The following ALK variants were observed in gnomAD, a reference collection of about 807,000 sequenced individuals.
ALK encodes ALK tyrosine kinase receptor.
A neutral mutation model predicts 163.1 loss-of-function variants in ALK; 74 were observed. The observed-to-expected ratio is 0.45, with a 90% CI of 0.38 to 0.55. The LOEUF is 0.55. Among genes scored for constraint, ALK ranks in the 20% least tolerant of loss-of-function variants. The pLI, the probability that ALK is intolerant of heterozygous loss-of-function variation, is 0.00. For synonymous variants in ALK, 960 were observed against 843.2 expected, an observed-to-expected ratio of 1.14 and a Z score of -2.40; for missense variants, 2,063 against 2,105.3, an observed-to-expected ratio of 0.98 and a Z score of 0.39.
At chr2:29,882,667 C>G (rs1488068895) in intron 1 of ALK, among the ~76,000 whole-genome samples, 2 of 152,196 alleles carry the variant, frequency 1.3e-5, no homozygotes, top group Non-Finnish European at 2.9e-5. Context: ...GCACTCCAGC[C>G]TGGCGACAGA....
At chr2:29,356,005 C>T (rs1253051668) in intron 5 of ALK, among the ~76,000 whole-genome samples, 1 of 152,154 alleles carries the variant, frequency 6.6e-6, no homozygotes, top group Non-Finnish European at 1.5e-5. Flanking sequence ...AATATTTACA[C>T]TACAGAAATT....
At chr2:29,574,865 G>A (rs1429940985) in intron 3 of ALK, among the ~76,000 whole-genome samples, 1 of 152,202 alleles carries the variant, frequency 6.6e-6, no homozygotes, top group Non-Finnish European at 1.5e-5. Context: ...TTCCAAAAAG[G>A]ATGAAGGTGA....
intron 1 of ALK, among the ~76,000 whole-genome samples, chr2:29,916,303 T>A (rs1182234308): frequency 2.0e-5 from 3 of 152,316 alleles, no homozygotes; most frequent in East Asian, 3.9e-4. Flanking sequence ...AAATAACTCC[T>A]CTCCTTCACT....
At chr2:29,446,209 T>A (rs1477171838) in intron 4 of ALK, among the ~76,000 whole-genome samples, 1 of 125,968 alleles carries the variant, frequency 7.9e-6, no homozygotes, top group East Asian at 2.4e-4. Context: ...AACCAGCAAA[T>A]AGGGACATTT....
At chr2:29,800,672 T>C (rs1572389491) in intron 1 of ALK, among the ~76,000 whole-genome samples, 1 of 152,176 alleles carries the variant, frequency 6.6e-6, no homozygotes, top group Admixed American at 6.5e-5. Context: ...TCAGGTTTCC[T>C]ACACCTCAGA....
chr2:29,713,096 T>C (rs1679155059), intron 2 of ALK, among the ~76,000 whole-genome samples: 1 of 152,206 alleles, frequency 6.6e-6, no homozygotes, highest in Non-Finnish European at 1.5e-5. Context: ...TAGCTCCCAA[T>C]GCTGCCCGCA....
intron 1 of ALK, among the ~76,000 whole-genome samples, chr2:29,745,487 T>C (rs1047792931): frequency 3.3e-5 from 5 of 152,226 alleles, no homozygotes; most frequent in African/African-American, 1.2e-4. Flanking sequence ...TGGCAAGGTC[T>C]ACTTCTTGTA....
chr2:29,636,097 G>T (rs185101975), intron 3 of ALK, among the ~76,000 whole-genome samples: 1 of 152,290 alleles, frequency 6.6e-6, no homozygotes, highest in East Asian at 1.9e-4. Flanking sequence ...AAAGTGGGAA[G>T]AATTGCTTTA....
chr2:29,216,140 CAA>C (rs750413843), intron 23 of ALK, among the ~76,000 whole-genome samples: 4 of 152,170 alleles, frequency 2.6e-5, no homozygotes, highest in African/African-American at 4.8e-5. Flanking sequence ...CCTCCTGCGG[CAA>C]AGAGTTGGAA....
intron 1 of ALK, among the ~76,000 whole-genome samples, chr2:29,803,195 C>T (rs904961569): frequency 1.3e-5 from 2 of 152,140 alleles, no homozygotes; most frequent in African/African-American, 4.8e-5. Flanking sequence ...GGGCAATAGT[C>T]CACGTAATTC....
chr2:29,458,359 G>A (rs1281467004), intron 4 of ALK, among the ~76,000 whole-genome samples: 4 of 152,064 alleles, frequency 2.6e-5, no homozygotes, highest in Non-Finnish European at 5.9e-5. Flanking sequence ...CTTCAGAGAC[G>A]CTATGTTGTA....
intron 8 of ALK, among the ~76,000 whole-genome samples, chr2:29,310,772 G>A (rs1337618659): frequency 6.6e-6 from 1 of 152,200 alleles, no homozygotes; most frequent in Non-Finnish European, 1.5e-5. Flanking sequence ...AGCCAGTCAA[G>A]TGCCTTGTTG....
intron 5 of ALK, among the ~76,000 whole-genome samples, chr2:29,341,376 TG>T (rs1006006263): frequency 6.6e-6 from 1 of 152,224 alleles, no homozygotes; most frequent in African/African-American, 2.4e-5. Context: ...GCAACTGGCA[TG>T]GGCTGCTGGG....
intron 4 of ALK, among the ~76,000 whole-genome samples, chr2:29,439,551 T>G (rs1045621656): frequency 1.1e-4 from 16 of 152,184 alleles, no homozygotes; most frequent in Admixed American, 3.9e-4. Flanking sequence ...TATTATGTCC[T>G]CCAAAAAGAT....
chr2:29,791,960 G>A (rs547595086), intron 1 of ALK, among the ~76,000 whole-genome samples: 100 of 152,222 alleles, frequency 6.6e-4, no homozygotes, highest in Middle Eastern at 3.4e-3. Context: ...AGATGTTTAG[G>A]AATCAGCAAT....
At chr2:29,622,588 T>C (rs1033699537) in intron 3 of ALK, among the ~76,000 whole-genome samples, 20 of 152,168 alleles carry the variant, frequency 1.3e-4, no homozygotes, top group African/African-American at 4.8e-4. Flanking sequence ...CAAAACCATA[T>C]TAAGCAGCTT....
chr2:29,849,923 C>G (rs1665947107), intron 1 of ALK, among the ~76,000 whole-genome samples: 1 of 152,062 alleles, frequency 6.6e-6, no homozygotes, highest in African/African-American at 2.4e-5. Context: ...TTATTTGTTT[C>G]CATTGTCAAA....
At chr2:29,250,188 T>C (rs1573159601) in intron 12 of ALK, among the ~76,000 whole-genome samples, 1 of 152,196 alleles carries the variant, frequency 6.6e-6, no homozygotes. Context: ...TGCCCTGCCA[T>C]GCTCCATGGT....
At chr2:29,218,262 G>A (rs1558620491) in intron 23 of ALK, among the ~76,000 whole-genome samples, 2 of 152,320 alleles carry the variant, frequency 1.3e-5, no homozygotes, top group East Asian at 3.9e-4. Flanking sequence ...GAGGAAAAGC[G>A]GGGCCAAGGG....
Sources: allele counts gnomAD v4.1 joint callset (sites outside exome capture counted in the v4.1 genomes callset), GRCh38; gene constraint gnomAD v4.1.1; transcripts MANE v1.5; gene names NCBI Gene and HGNC (gene_info 2026-07-23, HGNC 2026-07-21).